KSR2: variants seen among roughly 807,000 people sequenced by gnomAD.
KSR2 encodes kinase suppressor of ras 2.
Under a neutral mutation model 107.8 loss-of-function variants are expected in KSR2, and 25 were observed. That is an observed-to-expected ratio of 0.23 (90% CI 0.17 to 0.32). The LOEUF (loss-of-function observed/expected upper bound fraction) is 0.32. Ranked by LOEUF, KSR2 falls within the 10% of genes least tolerant of loss-of-function variation. The probability of loss-of-function intolerance (pLI) is 1.00; values close to 1 mark genes in which losing one functional copy is unlikely to be tolerated. For synonymous variants in KSR2, 480 were observed against 507.0 expected, an observed-to-expected ratio of 0.95 and a Z score of 0.71; for missense variants, 887 against 1,268.9, an observed-to-expected ratio of 0.70 and a Z score of 4.57.
chr12:117,489,519 C>A (rs1209898362), intron 14 of KSR2, among the ~76,000 whole-genome samples: 1 of 147,646 alleles, frequency 6.8e-6, no homozygotes. Flanking sequence ...CACAATCCAG[C>A]CTGGGTGACA....
At chr12:117,846,940 G>A (rs531022276) in intron 3 of KSR2, among the ~76,000 whole-genome samples, 2 of 152,354 alleles carry the variant, frequency 1.3e-5, no homozygotes, top group African/African-American at 4.8e-5. Flanking sequence ...GACACAGGGG[G>A]AGTTCCAACC....
chr12:117,849,266 C>T (rs79060749), intron 3 of KSR2, among the ~76,000 whole-genome samples: 110 of 152,246 alleles, frequency 7.2e-4, no homozygotes, highest in African/African-American at 2.5e-3. Context: ...GCATAAGGTA[C>T]GTGATCATTA....
intron 7 of KSR2, among the ~76,000 whole-genome samples, chr12:117,558,958 T>C (rs1456398706): frequency 6.6e-6 from 1 of 151,184 alleles, no homozygotes; most frequent in East Asian, 1.9e-4. Context: ...GGATGGGAGA[T>C]GAATGAACAG....
Position 117,962,660 on chromosome 12 carries a change from G to T in KSR2, c.180+5416C>A, listed in dbSNP as rs1482604513. Among the ~76,000 whole-genome samples, 4 of 150,698 alleles carry T rather than the reference G, an allele frequency of 2.7e-5. No individual in the cohort carries two copies. In the East Asian group the frequency reaches 8.0e-4, roughly 30 times the overall value. On this transcript the variant is annotated intron_variant, in intron 1 of 19. Transcript: ENST00000339824. Reference sequence around the variant, plus strand: ...GGGTTTCGCCATGTTGGCCAGGCTGGTCTCAAACTCCTGACCTCAAGTGAT... The same window carrying T: ...GGGTTTCGCCATGTTGGCCAGGCTGTTCTCAAACTCCTGACCTCAAGTGAT...
At chr12:117,513,521 G>A (rs1158551547) in intron 14 of KSR2, among the ~76,000 whole-genome samples, 6 of 152,152 alleles carry the variant, frequency 3.9e-5, no homozygotes, top group Admixed American at 3.9e-4. Flanking sequence ...GGAAGGAGAG[G>A]GAAAGGGACA....
chr12:117,939,500 CAGG>C (rs763416201), intron 1 of KSR2, among the ~76,000 whole-genome samples: 68 of 152,086 alleles, frequency 4.5e-4, no homozygotes, highest in Non-Finnish European at 2.9e-4. Flanking sequence ...ATCATGTGGT[CAGG>C]AGTTCAAGAC....
intron 14 of KSR2, among the ~76,000 whole-genome samples, chr12:117,500,695 C>G (rs1162986429): frequency 6.6e-6 from 1 of 152,238 alleles, no homozygotes. Flanking sequence ...GCCTTGTACT[C>G]ATTCTACCCA....
At position 117,786,645 on chromosome 12, in the gene KSR2, G is replaced by A. The variant is rs542108307; in HGVS notation, c.473-25121C>T. 1.1e-4 allele frequency among the ~76,000 whole-genome samples: 16 copies of A among 152,166 alleles called. No homozygotes were observed. In the South Asian group the frequency reaches 2.5e-3, roughly 24 times the overall value. The stretch of plus-strand genomic sequence containing the variant: ...AGCCTAGCCAACATGGTGAAACTCC[G>A]TCTCTACTAAAAATACAAAAATTAA... On this transcript the variant is annotated intron_variant, in intron 3 of 19. Coordinates refer to ENST00000339824, the MANE Select transcript of KSR2 (RefSeq NM_173598.6).
rs10561468 is a variant in KSR2, at chr12:117,939,944, AACACACACACACAC to A, written c.180+28118_180+28131del. ...CGACAGAGCGAGACTCCATCTTAAAAACACACACACACACACACACACACACACACACACACACA... is the reference window on the plus strand; with the variant it reads ...CGACAGAGCGAGACTCCATCTTAAAAACACACACACACACACACACACACA... On this transcript the variant is annotated intron_variant, in intron 1 of 19. Transcript: ENST00000339824. Among the ~76,000 whole-genome samples the A allele has an allele frequency of 5.1e-4, 71 of 140,176 alleles. 1 individual carries two copies. Among genetic ancestry groups the A allele is most frequent in the East Asian group, 3.2e-3 (15 of 4,732 alleles). 92.0% of individuals were successfully genotyped at this position (140,176 alleles called of 152,430 possible).
chr12:117,793,230 GCA>G (rs200580566), intron 3 of KSR2, among the ~76,000 whole-genome samples: 3,199 of 125,154 alleles, frequency 0.026, 144 homozygotes, highest in African/African-American at 0.099. Context: ...ACACCAACAT[GCA>G]CACACACCAA....
rs568520395 is a variant in KSR2 at position 117,899,854 on chromosome 12, A to T, written c.181-39423T>A. ...CCACGTTGTGAACATGAAAAGAGCC[A>T]CAGCCACACAGCAACGAGCAACTTG... On this transcript the variant is annotated intron_variant, in intron 1 of 19. Coordinates refer to ENST00000339824, the MANE Select transcript of KSR2 (RefSeq NM_173598.6). Among the ~76,000 whole-genome samples, 13 of 152,374 alleles carry T rather than the reference A, an allele frequency of 8.5e-5. 1 individual carries two copies. In the Middle Eastern group the frequency reaches 0.02, roughly 239 times the overall value.
intron 5 of KSR2, among the ~76,000 whole-genome samples, chr12:117,634,172 T>C (rs1243663192): frequency 6.6e-6 from 1 of 152,098 alleles, no homozygotes; most frequent in African/African-American, 2.4e-5. Context: ...GGTCCAGCCT[T>C]GACCTCTTAC....
intron 3 of KSR2, among the ~76,000 whole-genome samples, chr12:117,834,470 T>C (rs964400105): frequency 1.3e-5 from 2 of 150,820 alleles, no homozygotes; most frequent in African/African-American, 4.9e-5. Flanking sequence ...TTTTGAGCTA[T>C]GGTGATTTGA....
chr12:117,730,803 C>T (rs1397323725), intron 4 of KSR2, among the ~76,000 whole-genome samples: 2 of 152,236 alleles, frequency 1.3e-5, no homozygotes, highest in Non-Finnish European at 2.9e-5. Context: ...GTCTCGCTCA[C>T]TCAGTGCTCA....
chr12:117,823,989 G>A (rs529318207), intron 3 of KSR2, among the ~76,000 whole-genome samples: 7 of 152,188 alleles, frequency 4.6e-5, no homozygotes, highest in Admixed American at 3.9e-4. Flanking sequence ...GCCAAAATAT[G>A]GACACAACCT....
chr12:117,618,924 C>A (rs1192944389), intron 5 of KSR2, among the ~76,000 whole-genome samples: 1 of 152,146 alleles, frequency 6.6e-6, no homozygotes, highest in Non-Finnish European at 1.5e-5. Flanking sequence ...CTTGATAATA[C>A]CTTCAAACAT....
Position 117,586,693 on chromosome 12 carries a change from G to A in KSR2, c.1172-4334C>T, listed in dbSNP as rs185124352. Among the ~76,000 whole-genome samples the A allele has an allele frequency of 3.6e-3, 534 of 148,664 alleles. 4 individuals are homozygous for A. The highest frequency in any genetic ancestry group is 0.013 in the African/African-American group (497 of 39,634). On this transcript the variant is annotated intron_variant, in intron 5 of 19. Coordinates refer to ENST00000339824, the MANE Select transcript of KSR2 (RefSeq NM_173598.6). ...TAAATCTGCTGTCTGCTGTGTTACC[G>A]TGTGCCAAGCACTACTGTCAAACAG...
intron 3 of KSR2, among the ~76,000 whole-genome samples, chr12:117,784,349 C>T (rs1158710158): frequency 1.3e-5 from 2 of 152,204 alleles, no homozygotes; most frequent in Admixed American, 1.3e-4. Flanking sequence ...CTCTTGCCTG[C>T]CACCATGTAA....
At chr12:117,941,499 G>A (rs1393021503) in intron 1 of KSR2, among the ~76,000 whole-genome samples, 3 of 151,208 alleles carry the variant, frequency 2.0e-5, no homozygotes, top group African/African-American at 7.3e-5. Flanking sequence ...ATCATGATCA[G>A]TTGATGCACA....
Sources: gnomAD v4.1 joint callset for allele counts (sites outside exome capture counted in the v4.1 genomes callset) on GRCh38, gnomAD v4.1.1 for gene constraint, MANE v1.5 for transcripts, NCBI Gene and HGNC (gene_info 2026-07-23, HGNC 2026-07-21) for gene names.